The following VPS13A variants were observed in gnomAD, a reference collection of about 807,000 sequenced individuals.
The protein encoded by VPS13A is vacuolar protein sorting 13 homolog A.
In VPS13A, 264 loss-of-function variants were observed where a neutral mutation model predicts 390.9. The observed-to-expected ratio is 0.68, with a 90% CI of 0.61 to 0.75. VPS13A has a LOEUF of 0.75. VPS13A is among the 30% of genes least tolerant of loss of function. VPS13A has a pLI of 0.00. For missense variants in VPS13A, 3,409 were observed against 3,733.9 expected, an observed-to-expected ratio of 0.91 and a Z score of 2.27; for synonymous variants, 1,231 against 1,227.1, an observed-to-expected ratio of 1.00 and a Z score of -0.07.
chr9:77,221,073 A>AT, intron 12 of VPS13A, 112 bp from the exon 13 acceptor site: 3 of 1,038,420 alleles, frequency 2.9e-6, no homozygotes, highest in Non-Finnish European at 4.4e-6. Flanking sequence ...ATAATATATC[A>AT]TTTTCCTAAT....
chr9:77,238,420 A>G, intron 19 of VPS13A, 34 bp downstream of exon 19: 2 of 1,433,030 alleles, frequency 1.4e-6, no homozygotes, highest in Non-Finnish European at 2.0e-6. Flanking sequence ...TGAATTAAAT[A>G]CTGTATCCTA....
intron 52 of VPS13A, among the ~76,000 whole-genome samples, chr9:77,347,048 T>A (rs983486841): frequency 1.3e-5 from 2 of 152,246 alleles, no homozygotes; most frequent in African/African-American, 4.8e-5. Context: ...TCTGCATGCC[T>A]ATTTTTATAC....
chr9:77,336,433 C>T (rs1024420269), intron 46 of VPS13A, among the ~76,000 whole-genome samples: 42 of 151,858 alleles, frequency 2.8e-4, no homozygotes, highest in Admixed American at 2.2e-3. Context: ...AGCACTGTTC[C>T]GCATCTATTG....
rs185436566 is a variant in VPS13A at position 77,420,422 on chromosome 9, A to C, written c.*4416A>C. 64 of 152,232 alleles carry C rather than the reference A, an allele frequency of 4.2e-4. No individual in the cohort carries two copies. The highest frequency in any genetic ancestry group is 3.7e-3 in the Admixed American group (56 of 15,288). The allele number at this position is 152,232 out of a possible 1,614,324, so 9.4% of individuals were successfully genotyped here. ...GTAAATTTTTCCATGTCATTTAAAA[A>C]ATTTTTTACTTTAGAATTACAGATT... is the stretch of plus-strand genomic sequence containing the variant. On this transcript the variant is annotated 3_prime_UTR_variant, in exon 72 of 72. Coordinates refer to ENST00000360280, the MANE Select transcript of VPS13A (RefSeq NM_033305.3).
chr9:77,201,951 T>C (rs1159630609), intron 3 of VPS13A, among the ~76,000 whole-genome samples: 2 of 152,140 alleles, frequency 1.3e-5, no homozygotes, highest in Admixed American at 6.5e-5. Flanking sequence ...TTAACATCTT[T>C]AATAAAAACT....
At chr9:77,227,907 T>C (rs932090532) in intron 16 of VPS13A, among the ~76,000 whole-genome samples, 2 of 150,464 alleles carry the variant, frequency 1.3e-5, no homozygotes, top group Admixed American at 6.6e-5. Flanking sequence ...TGACTTGTTC[T>C]GTGATCTTTT....
chr9:77,306,401 A>AGAGTGT (rs550279922), intron 34 of VPS13A, among the ~76,000 whole-genome samples: 1 of 107,696 alleles, frequency 9.3e-6, no homozygotes, highest in Non-Finnish European at 2.0e-5. Flanking sequence ...AGAGAGAGAG[A>AGAGTGT]GTGTGTGTGT....
Position 77,369,393 on chromosome 9 carries a change from T to A in VPS13A, c.8648T>A (p.Phe2883Tyr). The A allele has an allele frequency of 1.9e-6, 3 of 1,608,924 alleles. No individual in the cohort carries two copies. The highest frequency in any genetic ancestry group is 2.6e-6 in the Non-Finnish European group (3 of 1,175,392). The change falls in exon 63 of 72, where the codon TTT becomes TAT. Residue 2883 changes from phenylalanine (F) to tyrosine (Y), a missense_variant. This residue lies in a region of VPS13A where 30 missense variants were observed against 63.4 expected (regional missense o/e 0.47). Coordinates refer to ENST00000360280, the MANE Select transcript of VPS13A (RefSeq NM_033305.3). Reference sequence around the variant, plus strand: ...GAATTTTCTGAAGGTGTAGAAGCATTTTTTTATGAACCTTACCAGGTAAAA... The same window carrying A: ...GAATTTTCTGAAGGTGTAGAAGCATATTTTTATGAACCTTACCAGGTAAAA... ...IREFSEGVEA[F>Y]FYEPYQGAIQ...
intron 29 of VPS13A, among the ~76,000 whole-genome samples, chr9:77,283,154 G>T (rs892917429): frequency 2.0e-5 from 3 of 151,904 alleles, no homozygotes; most frequent in Non-Finnish European, 4.4e-5. Flanking sequence ...TTGTCTATTT[G>T]CTTTTGTTTT....
rs754591551 is a variant in VPS13A at position 77,381,960 on chromosome 9, A to AT, written c.9078-8dup. The AT allele has an allele frequency of 2.9e-5, 45 of 1,535,750 alleles. No homozygotes were observed. The highest frequency in any genetic ancestry group is 1.4e-4 in the East Asian group (6 of 43,848). On this transcript the variant is annotated splice_polypyrimidine_tract_variant and intron_variant, in intron 67 of 71. Coordinates refer to ENST00000360280, the MANE Select transcript of VPS13A (RefSeq NM_033305.3). ...TGAATAATTTTTAAAATAAAGTTAT[A>AT]TTTTTTTTCCTCTAGAGCTACAGAG... is the stretch of plus-strand genomic sequence containing the variant.
At position 77,177,763 on chromosome 9, in the gene VPS13A, T is replaced by G; in HGVS notation, c.59T>G (p.Val20Gly). 1 of 1,613,566 alleles carries G rather than the reference T, an allele frequency of 6.2e-7. No individual in the cohort carries two copies. The highest frequency in any genetic ancestry group is 2.2e-5 in the East Asian group (1 of 44,840). ...AACCGGTTCTTGGGGGACTATGTGG[T>G]GGACTTGGACACGTCCCAGCTCTCT... Reference protein sequence around the residue: ...VLNRFLGDYVVDLDTSQLSLG... With the variant: ...VLNRFLGDYVGDLDTSQLSLG... The change falls in exon 1 of 72, where the codon GTG becomes GGG. Residue 20 changes from valine to glycine, a missense_variant. This residue lies in a region of VPS13A where 2,717 missense variants were observed against 2,917.4 expected (regional missense o/e 0.93). Coordinates refer to ENST00000360280, the MANE Select transcript of VPS13A (RefSeq NM_033305.3).
At chr9:77,339,384 A>G in intron 47 of VPS13A, 132 bp from the exon 48 acceptor site, 3 of 816,116 alleles carry the variant, frequency 3.7e-6, no homozygotes, top group Non-Finnish European at 5.7e-6. Context: ...CTTGAATGTA[A>G]GTCTTCTGAC....
Position 77,342,571 on chromosome 9 carries a change from A to G in VPS13A, c.7027-1582A>G, listed in dbSNP as rs377059743. Among the ~76,000 whole-genome samples, 28 of 152,294 alleles carry G rather than the reference A, an allele frequency of 1.8e-4. No individual in the cohort carries two copies. In the South Asian group the frequency reaches 5.2e-3, roughly 28 times the overall value. ...TTCTCTTTCTGATGGTCCAATATGTACAAGTTTTGTTTCATGCACAAAATT... is the reference window on the plus strand; with the variant it reads ...TTCTCTTTCTGATGGTCCAATATGTGCAAGTTTTGTTTCATGCACAAAATT... On this transcript the variant is annotated intron_variant, in intron 50 of 71. Coordinates refer to ENST00000360280, the MANE Select transcript of VPS13A (RefSeq NM_033305.3).
chr9:77,392,517 T>C (rs1283798126), intron 68 of VPS13A, among the ~76,000 whole-genome samples: 1 of 152,100 alleles, frequency 6.6e-6, no homozygotes, highest in Non-Finnish European at 1.5e-5. Context: ...CTTATCTTGG[T>C]GTTGTTGCTA....
chr9:77,268,502 A>C (rs1314188617), intron 23 of VPS13A, among the ~76,000 whole-genome samples: 1 of 152,086 alleles, frequency 6.6e-6, no homozygotes, highest in Non-Finnish European at 1.5e-5. Context: ...AGTCCCACTG[A>C]GATGAGCCGG....
chr9:77,226,075 CAT>C (rs1823489642), intron 14 of VPS13A, 87 bp downstream of exon 14: 1 of 1,251,558 alleles, frequency 8.0e-7, no homozygotes, highest in Non-Finnish European at 1.1e-6. Context: ...TATACTGTAA[CAT>C]ATTGTTTCCA....
intron 17 of VPS13A, among the ~76,000 whole-genome samples, chr9:77,232,142 A>G (rs1373142477): frequency 1.3e-5 from 2 of 152,138 alleles, no homozygotes; most frequent in Non-Finnish European, 2.9e-5. Flanking sequence ...CATTATACCA[A>G]TATCGTACTG....
rs149512778 is a variant in VPS13A, at chr9:77,185,286, C to T, written c.100+7482C>T. On this transcript the variant is annotated intron_variant, in intron 1 of 71. Coordinates refer to ENST00000360280, the MANE Select transcript of VPS13A (RefSeq NM_033305.3). ...CCTCCCGAGTAGCTGGGACTACAGG[C>T]GCCTGTCACCACACCAGGCTACTTT... Among the ~76,000 whole-genome samples the T allele has an allele frequency of 8.5e-3, 1,288 of 152,186 alleles. 11 individuals carry two copies. The highest frequency in any genetic ancestry group is 0.017 in the Middle Eastern group (5 of 294).
chr9:77,238,926 T>G (rs146521288), intron 19 of VPS13A, among the ~76,000 whole-genome samples: 3 of 152,126 alleles, frequency 2.0e-5, no homozygotes, highest in Non-Finnish European at 4.4e-5. Context: ...TGTAATTGGT[T>G]GGGACTTGTT....
Sources: allele counts gnomAD v4.1 joint callset (sites outside exome capture counted in the v4.1 genomes callset), GRCh38; gene constraint gnomAD v4.1.1; regional missense constraint gnomAD v4.1.1; transcripts MANE v1.5; gene names NCBI Gene and HGNC (gene_info 2026-07-23, HGNC 2026-07-21).